SYNE1: variants seen among roughly 807,000 people sequenced by gnomAD.
SYNE1 encodes nesprin-1.
In SYNE1, 616 loss-of-function variants were observed where a neutral mutation model predicts 1,111.0. That is an observed-to-expected ratio of 0.55 (90% CI 0.52 to 0.59). The LOEUF (loss-of-function observed/expected upper bound fraction) is 0.59, where lower values mean the gene tolerates loss of function less well. Ranked by LOEUF, SYNE1 falls within the 20% of genes least tolerant of loss-of-function variation. The pLI, the probability that SYNE1 is intolerant of heterozygous loss-of-function variation, is 0.00. For synonymous variants in SYNE1, 3,855 were observed against 3,825.8 expected (o/e 1.01, Z -0.28); for missense variants, 10,006 against 10,417.0 (o/e 0.96, Z 1.72).
chr6:152,219,035 G>T lies in SYNE1; in HGVS notation c.22012C>A (p.Gln7338Lys). ...GAAGTCTGCTGTTTGCAGAGAGCTT[G>T]CTCCAGGGCACACAAGTGTTGACTC... ...SLSQHLCALE[Q>K]ALCKQQTSLQ... Residue 7338 changes from glutamine (Q) to lysine (K), a missense_variant, in exon 120 of 146, where the codon CAA becomes AAA. By Grantham distance (53) the Gln-to-Lys change is moderately conservative (BLOSUM62 1). Around this residue, in one of 7 missense-constraint regions of SYNE1, gnomAD observed 2,182 missense variants for 2,287.8 expected, o/e 0.95. Transcript: ENST00000367255. 3 of 1,614,150 alleles carry T rather than the reference G, an allele frequency of 1.9e-6. No homozygotes were observed. The highest frequency in any genetic ancestry group is 2.5e-6 in the Non-Finnish European group (3 of 1,180,012).
rs35763277 is a variant in SYNE1, at chr6:152,211,567, T to C, written c.22516A>G (p.Ser7506Gly). The change falls in exon 124 of 146, where the codon AGT becomes GGT. Residue 7506 changes from serine (S) to glycine (G), a missense_variant. Coordinates refer to ENST00000367255, the MANE Select transcript of SYNE1 (RefSeq NM_182961.4). ...ATTGAGTGCAAAATCTGCTGACGACTGAACATCTCGGCTTGAAACAACTAT... is the reference window on the plus strand; with the variant it reads ...ATTGAGTGCAAAATCTGCTGACGACCGAACATCTCGGCTTGAAACAACTAT... ...AHELFQAEMF[S>G]RQQILHSIII... 24,765 of 1,613,628 alleles carry C rather than the reference T, an allele frequency of 0.015. 268 individuals carry two copies. The highest frequency in any genetic ancestry group is 0.018 in the Non-Finnish European group (21,197 of 1,179,674).
At position 152,416,822 on chromosome 6, in the gene SYNE1, T is replaced by G; in HGVS notation, c.5615A>C (p.Glu1872Ala). ...CAGAGAGGCATGGCTCTGGAGGAATTCTGCCAAATGGGACAGGGCAAGCTG... is the reference window on the plus strand; with the variant it reads ...CAGAGAGGCATGGCTCTGGAGGAATGCTGCCAAATGGGACAGGGCAAGCTG... ...RRQLALSHLA[E>A]FLQSHASLSG... Residue 1872 changes from glutamate (E) to alanine (A), a missense_variant, in exon 41 of 146, where the codon GAA becomes GCA. Transcript: ENST00000367255. 1.2e-6 allele frequency: 2 copies of G among 1,614,190 alleles called. No homozygotes were observed.
At position 152,265,491 on chromosome 6, in the gene SYNE1, T is replaced by G. The variant is rs139271335; in HGVS notation, c.18815+2565A>C. ...TCTAAAAATTATTTTTAAAAAGCTT[T>G]GAAGTTCCTATGAGGTTAAATTTCT... On this transcript the variant is annotated intron_variant, in intron 100 of 145. Coordinates refer to ENST00000367255, the MANE Select transcript of SYNE1 (RefSeq NM_182961.4). Among the ~76,000 whole-genome samples, 638 of 152,276 alleles carry G rather than the reference T, an allele frequency of 4.2e-3. 6 individuals are homozygous for G. The highest frequency in any genetic ancestry group is 0.014 in the African/African-American group (584 of 41,574).
intron 117 of SYNE1, 120 bp downstream of exon 117, chr6:152,224,373 TA>T (rs2080963194): frequency 2.0e-6 from 2 of 997,636 alleles, no homozygotes; most frequent in Non-Finnish European, 1.5e-6. Flanking sequence ...TTAAAGATCT[TA>T]AAAAATAATT....
intron 33 of SYNE1, chr6:152,435,736 T>C (rs1186668248): frequency 6.4e-6 from 4 of 627,086 alleles, no homozygotes; most frequent in Non-Finnish European, 1.1e-5. Flanking sequence ...AAAACCCACA[T>C]CCTTTATATT....
intron 12 of SYNE1, among the ~76,000 whole-genome samples, chr6:152,486,713 A>G (rs2098942681): frequency 6.6e-6 from 1 of 152,248 alleles, no homozygotes; most frequent in Non-Finnish European, 1.5e-5. Context: ...GCAAAAGAGT[A>G]CATGCATATT....
intron 104 of SYNE1, among the ~76,000 whole-genome samples, chr6:152,251,259 T>C (rs987112916): frequency 6.6e-6 from 1 of 152,056 alleles, no homozygotes; most frequent in Non-Finnish European, 1.5e-5. Context: ...CCCATTTTTA[T>C]GCTTTTAATA....
intron 130 of SYNE1, among the ~76,000 whole-genome samples, chr6:152,171,048 T>C (rs1006101539): frequency 1.3e-5 from 2 of 152,206 alleles, no homozygotes; most frequent in African/African-American, 4.8e-5. Flanking sequence ...CCACCATAAT[T>C]GTGAGGCCTC....
At chr6:152,560,662 A>T (rs140278183) in intron 3 of SYNE1, among the ~76,000 whole-genome samples, 33 of 152,316 alleles carry the variant, frequency 2.2e-4, no homozygotes, top group African/African-American at 7.2e-4. Context: ...TATCCCTGAT[A>T]AACATAGACA....
At chr6:152,490,111 A>T (rs952026020) in intron 11 of SYNE1, among the ~76,000 whole-genome samples, 4 of 152,220 alleles carry the variant, frequency 2.6e-5, no homozygotes, top group Admixed American at 6.5e-5. Context: ...AGCAATAAAG[A>T]TAATACAAAC....
intron 104 of SYNE1, among the ~76,000 whole-genome samples, chr6:152,252,304 T>TA: frequency 6.6e-6 from 1 of 151,630 alleles, no homozygotes. Context: ...AATAAATAAA[T>TA]AATAAAATAA....
intron 75 of SYNE1, among the ~76,000 whole-genome samples, chr6:152,337,776 T>G (rs1442643367): frequency 6.6e-6 from 1 of 152,224 alleles, no homozygotes; most frequent in Non-Finnish European, 1.5e-5. Flanking sequence ...TATTAATGTT[T>G]TGGATATGTC....
chr6:152,220,222 A>G (rs986133847), intron 119 of SYNE1, among the ~76,000 whole-genome samples: 2 of 152,246 alleles, frequency 1.3e-5, no homozygotes, highest in Non-Finnish European at 2.9e-5. Flanking sequence ...AAAAGTTTAT[A>G]AAAAGATCCT....
At chr6:152,444,672 A>G in intron 29 of SYNE1, 94 bp from the exon 30 acceptor site, 3 of 1,137,512 alleles carry the variant, frequency 2.6e-6, no homozygotes, top group East Asian at 2.5e-5. Context: ...ACAAATAAAC[A>G]TTGTACATAT....
intron 145 of SYNE1, chr6:152,127,607 C>T (rs1317232567): frequency 2.0e-5 from 3 of 152,116 alleles, no homozygotes; most frequent in East Asian, 3.9e-4. Context: ...CCTAGAAACA[C>T]CAGGAAGGCC....
Position 152,321,266 on chromosome 6 carries a change from A to T in SYNE1, c.16208T>A (p.Val5403Glu). Reference protein sequence around the residue: ...PSELSLQLAEVALDLKIRDQI... With the variant: ...PSELSLQLAEEALDLKIRDQI... ...ATCTCGGATCTTTAGATCTAACGCC[A>T]CTTCAGCCAACTGAAGGGAGAGTTC... Residue 5403 changes from valine to glutamate, a missense_variant, in exon 84 of 146, where the codon GTG (valine) becomes GAG (glutamate). Physicochemically the swap from Val to Glu is moderately radical, Grantham distance 121. This residue lies in a region of SYNE1 where 4,955 missense variants were observed against 5,017.2 expected (regional missense o/e 0.99). Coordinates refer to ENST00000367255, the MANE Select transcript of SYNE1 (RefSeq NM_182961.4). 1 of 1,613,900 alleles carries T rather than the reference A, an allele frequency of 6.2e-7. No individual in the cohort carries two copies. The highest frequency in any genetic ancestry group is 8.5e-7 in the Non-Finnish European group (1 of 1,179,900).
intron 11 of SYNE1, among the ~76,000 whole-genome samples, chr6:152,491,523 A>G (rs375923148): frequency 1.5e-4 from 23 of 152,080 alleles, no homozygotes; most frequent in African/African-American, 5.6e-4. Context: ...CGCCTGACCT[A>G]AAACCTTACT....
intron 14 of SYNE1, chr6:152,478,472 A>C (rs1182285162): frequency 6.6e-6 from 1 of 152,266 alleles, no homozygotes; most frequent in Non-Finnish European, 1.5e-5. Context: ...GGTGGGATCT[A>C]ATGTACACAT....
intron 3 of SYNE1, among the ~76,000 whole-genome samples, chr6:152,551,462 A>AC (rs1452036342): frequency 6.6e-6 from 1 of 152,116 alleles, no homozygotes; most frequent in African/African-American, 2.4e-5. Flanking sequence ...TGTGCCCCTC[A>AC]CATGTACCAG....
Sources: allele counts gnomAD v4.1 joint callset (sites outside exome capture counted in the v4.1 genomes callset), GRCh38; gene constraint gnomAD v4.1.1; regional missense constraint gnomAD v4.1.1; transcripts MANE v1.5; gene names NCBI Gene and HGNC (gene_info 2026-07-23, HGNC 2026-07-21).